Variants in NR3C2 observed in about 807,000 individuals in gnomAD.
NR3C2 encodes the protein nuclear receptor subfamily 3 group C member 2.
Under a neutral mutation model 86.4 loss-of-function variants are expected in NR3C2, and 15 were observed. The observed-to-expected ratio is 0.17, with a 90% CI of 0.12 to 0.27. NR3C2 has a LOEUF of 0.27. NR3C2 is among the 10% of genes least tolerant of loss of function. The pLI is 1.00. For synonymous variants in NR3C2, 458 were observed against 450.5 expected (o/e 1.02, Z -0.21); for missense variants, 960 against 1,195.6 (o/e 0.80, Z 2.91).
At chr4:148,163,903 T>C (rs144284555) in intron 4 of NR3C2, among the ~76,000 whole-genome samples, 2,046 of 152,302 alleles carry the variant, frequency 0.013, 27 homozygotes, top group Non-Finnish European at 0.021. Flanking sequence ...AAGTGACTTA[T>C]TGTAATGACA....
intron 3 of NR3C2, among the ~76,000 whole-genome samples, chr4:148,259,353 A>G (rs1739981804): frequency 6.6e-6 from 1 of 152,214 alleles, no homozygotes; most frequent in African/African-American, 2.4e-5. Flanking sequence ...AAAATAAATT[A>G]AAGACCATTT....
At chr4:148,082,630 G>A (rs958652665) in intron 8 of NR3C2, among the ~76,000 whole-genome samples, 41 of 150,712 alleles carry the variant, frequency 2.7e-4, no homozygotes, top group Non-Finnish European at 1.6e-4. Flanking sequence ...GCACAAAACT[G>A]GGCACTGGTT....
chr4:148,247,632 C>G (rs559273714), intron 3 of NR3C2, among the ~76,000 whole-genome samples: 13 of 150,630 alleles, frequency 8.6e-5, no homozygotes, highest in Non-Finnish European at 1.5e-4. Context: ...TATCCGTGGG[C>G]CTTTTTATTA....
chr4:148,324,899 G>A (rs1485275560), intron 2 of NR3C2, among the ~76,000 whole-genome samples: 2 of 152,096 alleles, frequency 1.3e-5, no homozygotes, highest in African/African-American at 4.8e-5. Flanking sequence ...CCACAAACCA[G>A]TAAATTAAAG....
At chr4:148,357,883 A>G (rs1042087295) in intron 2 of NR3C2, among the ~76,000 whole-genome samples, 2 of 152,214 alleles carry the variant, frequency 1.3e-5, no homozygotes, top group Admixed American at 1.3e-4. Context: ...CAGGAATAGG[A>G]AGTTCTTACC....
intron 4 of NR3C2, among the ~76,000 whole-genome samples, chr4:148,169,777 G>A (rs375136348): frequency 4.6e-5 from 7 of 152,254 alleles, no homozygotes; most frequent in African/African-American, 1.2e-4. Flanking sequence ...CCTTATAATC[G>A]CCTCAGGGCT....
intron 3 of NR3C2, among the ~76,000 whole-genome samples, chr4:148,218,533 T>C (rs1044633713): frequency 3.3e-5 from 5 of 152,198 alleles, no homozygotes; most frequent in Non-Finnish European, 7.3e-5. Context: ...AGTACACATT[T>C]TTTTTTAAAC....
At chr4:148,156,410 T>C (rs999625096) in intron 4 of NR3C2, among the ~76,000 whole-genome samples, 1 of 151,430 alleles carries the variant, frequency 6.6e-6, no homozygotes, top group Admixed American at 6.6e-5. Flanking sequence ...TCAAACAAAT[T>C]TACAAGAAAA....
At chr4:148,244,683 G>T (rs999917133) in intron 3 of NR3C2, among the ~76,000 whole-genome samples, 2 of 152,222 alleles carry the variant, frequency 1.3e-5, no homozygotes, top group Non-Finnish European at 2.9e-5. Flanking sequence ...CTTGAAGGGA[G>T]AGGAAGAGCC....
At chr4:148,198,541 A>T (rs1378863529) in intron 3 of NR3C2, among the ~76,000 whole-genome samples, 2 of 152,170 alleles carry the variant, frequency 1.3e-5, no homozygotes, top group African/African-American at 4.8e-5. Context: ...ACCTGAGTCA[A>T]TAAGGAGCTA....
At chr4:148,353,920 T>C (rs935394824) in intron 2 of NR3C2, among the ~76,000 whole-genome samples, 2 of 152,206 alleles carry the variant, frequency 1.3e-5, no homozygotes, top group Admixed American at 1.3e-4. Context: ...TAAAGGCTCT[T>C]TAATTTAGGG....
At chr4:148,265,556 T>C (rs561182133) in intron 2 of NR3C2, among the ~76,000 whole-genome samples, 23 of 152,316 alleles carry the variant, frequency 1.5e-4, no homozygotes, top group African/African-American at 5.3e-4. Flanking sequence ...TTTCAGTGAT[T>C]AGAAATTCTT....
At chr4:148,409,770 A>AAGT (rs1748603433) in intron 2 of NR3C2, among the ~76,000 whole-genome samples, 2 of 151,828 alleles carry the variant, frequency 1.3e-5, no homozygotes, top group Non-Finnish European at 2.9e-5. Flanking sequence ...TATATCTCAA[A>AAGT]TAAGTTCACG....
intron 2 of NR3C2, among the ~76,000 whole-genome samples, chr4:148,323,815 T>G (rs1743791108): frequency 6.6e-6 from 1 of 152,094 alleles, no homozygotes; most frequent in African/African-American, 2.4e-5. Context: ...GTACCTCAGA[T>G]GGAAATGCAG....
intron 2 of NR3C2, among the ~76,000 whole-genome samples, chr4:148,434,260 C>G (rs751367750): frequency 6.6e-6 from 1 of 152,124 alleles, no homozygotes; most frequent in Non-Finnish European, 1.5e-5. Context: ...AAAGTCCAAT[C>G]CAAGTATTCA....
chr4:148,345,846 T>G (rs1210646434), intron 2 of NR3C2, among the ~76,000 whole-genome samples: 1 of 152,046 alleles, frequency 6.6e-6, no homozygotes. Context: ...AGAGCAAAAG[T>G]TGGACCCAGT....
chr4:148,432,572 G>GT (rs1749843863), intron 2 of NR3C2, among the ~76,000 whole-genome samples: 2 of 152,116 alleles, frequency 1.3e-5, no homozygotes. Flanking sequence ...AAATACTGCA[G>GT]TTCAAGGTTC....
chr4:148,119,173 C>A (rs970447898), intron 7 of NR3C2, among the ~76,000 whole-genome samples: 1 of 152,180 alleles, frequency 6.6e-6, no homozygotes, highest in African/African-American at 2.4e-5. Flanking sequence ...TTATTACCCA[C>A]AACTCCTCCA....
chr4:148,221,140 T>C (rs1480653847), intron 3 of NR3C2, among the ~76,000 whole-genome samples: 3 of 152,272 alleles, frequency 2.0e-5, no homozygotes, highest in Non-Finnish European at 4.4e-5. Flanking sequence ...TTTCCTTATA[T>C]CTCCCTCAGT....
Sources: allele counts gnomAD v4.1 joint callset (sites outside exome capture counted in the v4.1 genomes callset), GRCh38; gene constraint gnomAD v4.1.1; transcripts MANE v1.5; gene names NCBI Gene and HGNC (gene_info 2026-07-23, HGNC 2026-07-21).